The following ELF4 variants were observed in gnomAD, a reference collection of about 807,000 sequenced individuals.
ELF4 encodes the protein ETS-related transcription factor Elf-4.
Under a neutral mutation model 31.7 loss-of-function variants are expected in ELF4, and 10 were observed. The ratio of observed to expected loss-of-function variants is 0.32; its 90% CI spans 0.19 to 0.54. ELF4 has a LOEUF of 0.54. Ranked by LOEUF, ELF4 falls within the 20% of genes least tolerant of loss-of-function variation. The pLI is 0.95. For synonymous variants in ELF4, 208 were observed against 226.7 expected, an observed-to-expected ratio of 0.92 and a Z score of 0.74; for missense variants, 418 against 522.0, an observed-to-expected ratio of 0.80 and a Z score of 1.94.
At chrX:130,087,546 T>C (rs896743670) in intron 1 of ELF4, among the ~76,000 whole-genome samples, 2 of 112,703 alleles carry the variant, frequency 1.8e-5, no homozygotes, top group Admixed American at 9.3e-5. Context: ...AGTGGCGCGA[T>C]CTCGGCTCAC....
At chrX:130,093,006 TA>T (rs35937720) in intron 1 of ELF4, among the ~76,000 whole-genome samples, 11,168 of 101,798 alleles carry the variant, frequency 0.11, 593 homozygotes, top group Non-Finnish European at 0.15. Flanking sequence ...AGAATACTGT[TA>T]AAAAAAAAAA....
At chrX:130,086,515 C>T (rs181635959) in intron 1 of ELF4, among the ~76,000 whole-genome samples, 11 of 112,095 alleles carry the variant, frequency 9.8e-5, no homozygotes, top group African/African-American at 3.2e-4. Flanking sequence ...ACCCACAGCC[C>T]ACCCACAGTG....
intron 1 of ELF4, among the ~76,000 whole-genome samples, chrX:130,100,021 G>T (rs756679266): frequency 9.0e-6 from 1 of 111,145 alleles, no homozygotes; most frequent in Admixed American, 9.5e-5. Context: ...TCACCTGGTG[G>T]GGCCAACCAG....
chrX:130,072,100 G>C (rs1932792436), intron 5 of ELF4, 126 bp downstream of exon 5: 2 of 812,916 alleles, frequency 2.5e-6, no homozygotes, highest in African/African-American at 2.0e-5. Context: ...ACAGAAGGGA[G>C]GCCTTTTGGT....
chrX:130,068,317 T>C (rs759842183), intron 8 of ELF4, among the ~76,000 whole-genome samples: 2 of 112,071 alleles, frequency 1.8e-5, no homozygotes, highest in Non-Finnish European at 3.8e-5. Flanking sequence ...TGTTATCCTT[T>C]GATTTCTTCC....
Position 130,067,013 on chromosome X carries a change from C to G in ELF4, c.1700G>C (p.Arg567Thr). The change falls in exon 9 of 9, where the codon AGG becomes ACG. Residue 567 changes from arginine to threonine, a missense_variant. Coordinates refer to ENST00000308167, the MANE Select transcript of ELF4 (RefSeq NM_001421.4). ...EGLLVPEETL[R>T]ELLRDQAHLQ... The stretch of plus-strand genomic sequence containing the variant: ...ATGAGCCTGATCTCTCAGGAGCTCC[C>G]TCAGGGTCTCTTCAGGAACCAGCAG... The G allele has an allele frequency of 2.5e-6, 3 of 1,212,264 alleles. No individual in the cohort carries two copies. Among genetic ancestry groups the G allele is most frequent in the Non-Finnish European group, 3.3e-6 (3 of 895,588 alleles).
upstream of ELF4, among the ~76,000 whole-genome samples, chrX:130,111,800 A>G (rs1314141879): frequency 8.9e-6 from 1 of 111,761 alleles, no homozygotes; most frequent in African/African-American, 3.3e-5. Context: ...CTCCCCTTCT[A>G]TCTCCCCTTT....
intron 8 of ELF4, among the ~76,000 whole-genome samples, chrX:130,068,182 G>A (rs1932733396): frequency 8.9e-6 from 1 of 112,175 alleles, no homozygotes; most frequent in Non-Finnish European, 1.9e-5. Context: ...TTGACATGTG[G>A]CATTTCACTC....
chrX:130,096,206 A>G lies in ELF4; in HGVS notation c.-210+14119T>C, dbSNP rs181284004. ...TTTTGTTTTGTTTTGTTTTTGAGACAGAGTCTCACTCTGTCGCCCAGGCTG... is the reference window on the plus strand; with the variant it reads ...TTTTGTTTTGTTTTGTTTTTGAGACGGAGTCTCACTCTGTCGCCCAGGCTG... On this transcript the variant is annotated intron_variant, in intron 1 of 8. Coordinates refer to ENST00000308167, the MANE Select transcript of ELF4 (RefSeq NM_001421.4). Among the ~76,000 whole-genome samples, 10 of 111,134 alleles carry G rather than the reference A, an allele frequency of 9.0e-5. No individual in the cohort carries two copies. In the East Asian group the frequency reaches 2.0e-3, roughly 22 times the overall value.
In ELF4 at chrX:130,069,603, T is replaced by C; in HGVS notation, c.884A>G (p.Lys295Arg). 2 of 1,211,688 alleles carry C rather than the reference T, an allele frequency of 1.7e-6. No individual in the cohort carries two copies. Among genetic ancestry groups the C allele is most frequent in the Non-Finnish European group, 2.2e-6 (2 of 895,180 alleles). Residue 295 changes from lysine (K) to arginine (R), a missense_variant, in exon 8 of 9, where the codon AAG becomes AGG. By Grantham distance (26) the Lys-to-Arg change is conservative. This residue lies in a region of ELF4 where 35 missense variants were observed against 84.0 expected (regional missense o/e 0.42). Transcript: ENST00000308167. ...CTCATCTTCAATGACCACCAGGTCC[T>C]TGGGCATCTCCTTAAACTGGTACAC... ...RLVYQFKEMP[K>R]DLVVIEDEDE...
chrX:130,093,789 G>A (rs1357572659), intron 1 of ELF4, among the ~76,000 whole-genome samples: 1 of 112,150 alleles, frequency 8.9e-6, no homozygotes, highest in Non-Finnish European at 1.9e-5. Flanking sequence ...TCAAGCAGCT[G>A]TGCAAGAAGC....
rs760540710 is a variant in ELF4, at chrX:130,087,103, G to C, written c.-209-5564C>G. ...CCTATTTCCCCAGCTGCTCTGAGAA[G>C]GCCAAAAGAGCACCCCCTGGAAGTG... is the stretch of plus-strand genomic sequence containing the variant. On this transcript the variant is annotated intron_variant, in intron 1 of 8. Transcript: ENST00000308167. 2.7e-5 allele frequency among the ~76,000 whole-genome samples: 3 copies of C among 113,027 alleles called. No homozygotes were observed. The East Asian group carries it at 8.4e-4, about 31-fold the overall frequency.
chrX:130,094,604 C>T (rs748084003), intron 1 of ELF4, among the ~76,000 whole-genome samples: 296 of 109,339 alleles, frequency 2.7e-3, no homozygotes, highest in Non-Finnish European at 4.4e-3. Context: ...CAGGGTCCCA[C>T]TTTTCCCTGT....
At chrX:130,070,101 C>A (rs1041129312) in intron 7 of ELF4, among the ~76,000 whole-genome samples, 2 of 111,556 alleles carry the variant, frequency 1.8e-5, no homozygotes, top group African/African-American at 6.5e-5. Flanking sequence ...GAAAGCCCTT[C>A]TTGGGGAAGA....
At chrX:130,074,227 C>T (rs981352766) in intron 3 of ELF4, 86 bp from the exon 4 acceptor site, 17 of 992,460 alleles carry the variant, frequency 1.7e-5, no homozygotes, top group Non-Finnish European at 2.3e-5. Context: ...AGGGCCAGCC[C>T]GAAGAAAGGA....
Position 130,072,389 on chromosome X carries a change from C to G in ELF4, c.369G>C (p.Ser123=). ...IFSTSEMLPD[S]DPAPAVTLPN... is the part of the protein sequence containing the mutation. Reference sequence around the variant, plus strand: ...GCAGAGTGACAGCTGGTGCAGGGTCCGAGTCTGGAAGCATTTCGGAGGTAC... The same window carrying G: ...GCAGAGTGACAGCTGGTGCAGGGTCGGAGTCTGGAAGCATTTCGGAGGTAC... The change falls in exon 5 of 9, where the codon TCG becomes TCC. Residue 123 remains serine (S), a synonymous_variant. Transcript: ENST00000308167. 8.3e-7 allele frequency: 1 copy of G among 1,211,901 alleles called. No homozygotes were observed. The highest frequency in any genetic ancestry group is 1.1e-6 in the Non-Finnish European group (1 of 895,489).
Position 130,067,323 on chromosome X carries a change from G to A in ELF4, c.1390C>T (p.Pro464Ser), listed in dbSNP as rs1932705660. 8.2e-7 allele frequency: 1 copy of A among 1,212,299 alleles called. No individual in the cohort carries two copies. Among genetic ancestry groups the A allele is most frequent in the Non-Finnish European group, 1.1e-6 (1 of 895,613 alleles). The change falls in exon 9 of 9, where the codon CCC (proline) becomes TCC (serine). Residue 464 changes from proline to serine, a missense_variant. By Grantham distance (74) the Pro-to-Ser change is moderately conservative. Transcript: ENST00000308167. ...KDTFTLQASF[P>S]LNASFQDSQV... ...CTGTCTTGGAAACTGGCGTTCAGGG[G>A]GAAAGAGGCCTGCAAAGTGAAGGTG...
chrX:130,101,964 G>A (rs769565081), intron 1 of ELF4, among the ~76,000 whole-genome samples: 27 of 111,194 alleles, frequency 2.4e-4, no homozygotes, highest in Non-Finnish European at 4.5e-4. Context: ...TGGTGAAACC[G>A]TGTCTCTACT....
At position 130,067,293 on chromosome X, in the gene ELF4, C is replaced by G. The variant is rs973399845; in HGVS notation, c.1420G>C (p.Val474Leu). The part of the protein sequence containing the change: ...PLNASFQDSQ[V>L]AAPGAPLILS... The stretch of plus-strand genomic sequence containing the variant: ...ATCAGTGGAGCCCCTGGGGCTGCCA[C>G]CTGGCTGTCTTGGAAACTGGCGTTC... Residue 474 changes from valine (V) to leucine (L), a missense_variant, in exon 9 of 9, where the codon GTG (valine) becomes CTG (leucine). Physicochemically the swap from Val to Leu is conservative, Grantham distance 32. Transcript: ENST00000308167. 9.9e-6 allele frequency: 12 copies of G among 1,210,729 alleles called. No homozygotes were observed. The highest frequency in any genetic ancestry group is 1.3e-5 in the Non-Finnish European group (12 of 895,270).
Sources: allele counts gnomAD v4.1 joint callset (sites outside exome capture counted in the v4.1 genomes callset), GRCh38; gene constraint gnomAD v4.1.1; regional missense constraint gnomAD v4.1.1; transcripts MANE v1.5; gene names NCBI Gene and HGNC (gene_info 2026-07-23, HGNC 2026-07-21).